Variants in GRIK4 observed in about 807,000 individuals in gnomAD.
GRIK4 encodes glutamate ionotropic receptor kainate type subunit 4, also known as glutamate receptor ionotropic, kainate 4.
In GRIK4, 40 loss-of-function variants were observed where a neutral mutation model predicts 104.9. The ratio of observed to expected loss-of-function variants is 0.38; its 90% confidence interval spans 0.30 to 0.50. GRIK4 has a LOEUF of 0.50. GRIK4 is among the 20% of genes least tolerant of loss of function. The pLI, the probability that GRIK4 is intolerant of heterozygous loss-of-function variation, is 0.93. For synonymous variants in GRIK4, 485 were observed against 524.9 expected (o/e 0.92, Z 1.04); for missense variants, 1,047 against 1,308.1 (o/e 0.80, Z 3.08).
chr11:120,784,203 G>A (rs1305280233), intron 3 of GRIK4, among the ~76,000 whole-genome samples: 2 of 152,310 alleles, frequency 1.3e-5, no homozygotes, highest in East Asian at 1.9e-4. Context: ...CCCCATTGTG[G>A]GGCCCTAGCT....
chr11:120,789,504 A>G (rs1259764700), intron 3 of GRIK4, among the ~76,000 whole-genome samples: 1 of 152,030 alleles, frequency 6.6e-6, no homozygotes, highest in African/African-American at 2.4e-5. Flanking sequence ...CTGGACTATT[A>G]AAATAACCCT....
chr11:120,968,795 T>G (rs1944426137), intron 19 of GRIK4, among the ~76,000 whole-genome samples: 1 of 152,166 alleles, frequency 6.6e-6, no homozygotes, highest in Non-Finnish European at 1.5e-5. Context: ...TTTCAGCACA[T>G]TAGTTAGCAG....
chr11:120,893,010 G>A (rs138612794), intron 11 of GRIK4, among the ~76,000 whole-genome samples: 10 of 152,192 alleles, frequency 6.6e-5, no homozygotes, highest in South Asian at 4.1e-4. Context: ...GTATAAAAGC[G>A]CAGAACTGCA....
At chr11:120,858,509 G>A (rs1274418780) in intron 8 of GRIK4, 1 of 152,160 alleles carries the variant, frequency 6.6e-6, no homozygotes, top group African/African-American at 2.4e-5. Flanking sequence ...GTGTGTTTGG[G>A]AAGTTCAGGG....
intron 3 of GRIK4, among the ~76,000 whole-genome samples, chr11:120,684,832 T>TC (rs1367167735): frequency 6.6e-6 from 1 of 152,118 alleles, no homozygotes; most frequent in Non-Finnish European, 1.5e-5. Flanking sequence ...TGCCTCAGCC[T>TC]CCGAGTAGCT....
Position 120,960,924 on chromosome 11 carries a change from GATC to G in GRIK4, c.1897_1899del (p.Ile633del). 6.2e-7 allele frequency: 1 copy of G among 1,613,712 alleles called. No individual in the cohort carries two copies. Among genetic ancestry groups the G allele is most frequent in the Non-Finnish European group, 8.5e-7 (1 of 1,179,884 alleles). On this transcript the variant is annotated inframe_deletion, in exon 17 of 21. Coordinates refer to ENST00000527524, the MANE Select transcript of GRIK4 (RefSeq NM_014619.5). ...TCCTACATAGGTGGGCATTCACGCT[GATC>G]ATCATCTCATCCTACACGGCCAACC...
At chr11:120,576,385 C>T (rs1277959391) in intron 1 of GRIK4, 1 of 152,128 alleles carries the variant, frequency 6.6e-6, no homozygotes, top group African/African-American at 2.4e-5. Context: ...TCTTCTCTGC[C>T]AGGTGACGCT....
At chr11:120,683,417 A>G (rs1325295796) in intron 3 of GRIK4, among the ~76,000 whole-genome samples, 6 of 152,210 alleles carry the variant, frequency 3.9e-5, no homozygotes, top group Non-Finnish European at 5.9e-5. Flanking sequence ...GGGGAGATCA[A>G]GAATTCTATG....
intron 3 of GRIK4, among the ~76,000 whole-genome samples, chr11:120,791,798 A>T (rs1417635283): frequency 6.6e-6 from 1 of 152,138 alleles, no homozygotes; most frequent in Non-Finnish European, 1.5e-5. Flanking sequence ...TCTTTAACAT[A>T]TGGATATCCA....
intron 3 of GRIK4, among the ~76,000 whole-genome samples, chr11:120,799,150 T>C (rs1443482921): frequency 6.6e-6 from 1 of 152,210 alleles, no homozygotes. Flanking sequence ...GACATGCTCA[T>C]TTTCTGAGAG....
At chr11:120,849,217 A>T (rs1953922180) in intron 8 of GRIK4, among the ~76,000 whole-genome samples, 1 of 152,194 alleles carries the variant, frequency 6.6e-6, no homozygotes, top group South Asian at 2.1e-4. Context: ...GAGTGGGTGC[A>T]TCAGACTGTG....
intron 13 of GRIK4, among the ~76,000 whole-genome samples, chr11:120,923,655 C>T (rs369581144): frequency 5.9e-5 from 9 of 152,156 alleles, no homozygotes; most frequent in East Asian, 3.9e-4. Context: ...CCTCGTGATC[C>T]GCCCGGCTCG....
intron 11 of GRIK4, among the ~76,000 whole-genome samples, chr11:120,888,612 G>T (rs1955186732): frequency 6.6e-6 from 1 of 152,108 alleles, no homozygotes; most frequent in East Asian, 1.9e-4. Flanking sequence ...CTCAGCTAAG[G>T]TCTGATGATA....
At chr11:120,964,779 ATAG>A (rs1175387084) in intron 18 of GRIK4, among the ~76,000 whole-genome samples, 1 of 152,206 alleles carries the variant, frequency 6.6e-6, no homozygotes, top group African/African-American at 2.4e-5. Context: ...CCCCTGCAAG[ATAG>A]ATGTGGTTAT....
At chr11:120,566,623 G>A (rs1386764365) in intron 1 of GRIK4, among the ~76,000 whole-genome samples, 1 of 152,094 alleles carries the variant, frequency 6.6e-6, no homozygotes, top group Non-Finnish European at 1.5e-5. Flanking sequence ...TTCATTACTG[G>A]TGAGCAATTA....
chr11:120,790,903 A>C (rs1344757950), intron 3 of GRIK4, among the ~76,000 whole-genome samples: 1 of 152,174 alleles, frequency 6.6e-6, no homozygotes, highest in African/African-American at 2.4e-5. Flanking sequence ...GGTGCTATGA[A>C]GTGAAACTGG....
Position 120,864,389 on chromosome 11 carries a change from C to G in GRIK4, c.906+2269C>G, listed in dbSNP as rs538415764. Reference sequence around the variant, plus strand: ...CGGAGTAGCTGGGACTACAGGTGCCCGCCACCGTGCCTGGCTAATTTTTTG... The same window carrying G: ...CGGAGTAGCTGGGACTACAGGTGCCGGCCACCGTGCCTGGCTAATTTTTTG... On this transcript the variant is annotated intron_variant, in intron 9 of 20. Transcript: ENST00000527524. 2.6e-5 allele frequency among the ~76,000 whole-genome samples: 4 copies of G among 152,072 alleles called. No homozygotes were observed. In the East Asian group the frequency reaches 7.7e-4, roughly 29 times the overall value.
chr11:120,835,483 G>A (rs1197389663), intron 7 of GRIK4, among the ~76,000 whole-genome samples: 7 of 152,190 alleles, frequency 4.6e-5, no homozygotes, highest in Admixed American at 6.5e-5. Flanking sequence ...AGCCATGATC[G>A]CGCCAATGCA....
intron 3 of GRIK4, among the ~76,000 whole-genome samples, chr11:120,732,706 C>A (rs1024219081): frequency 6.6e-6 from 1 of 152,108 alleles, no homozygotes; most frequent in African/African-American, 2.4e-5. Context: ...GAATATGTTT[C>A]ATATTATTTC....
Sources: allele counts gnomAD v4.1 joint callset (sites outside exome capture counted in the v4.1 genomes callset), GRCh38; gene constraint gnomAD v4.1.1; transcripts MANE v1.5; gene names NCBI Gene and HGNC (gene_info 2026-07-23, HGNC 2026-07-21).